The following ZNF425 variants were observed in gnomAD, a reference collection of about 807,000 sequenced individuals.
The protein encoded by ZNF425 is zinc finger protein 425.
Under a neutral mutation model 17.0 loss-of-function variants are expected in ZNF425, and 21 were observed. That is an observed-to-expected ratio of 1.23 (90% confidence interval 0.88 to 1.78). The LOEUF is 1.78. Among genes scored for constraint, ZNF425 ranks in the 40% most tolerant of loss-of-function variants. The pLI is 0.00. For missense variants in ZNF425, 868 were observed against 967.3 expected, an observed-to-expected ratio of 0.90 and a Z score of 1.36; for synonymous variants, 433 against 384.1, an observed-to-expected ratio of 1.13 and a Z score of -1.49.
chr7:149,123,906 G>A (rs1242991612), intron 1 of ZNF425, among the ~76,000 whole-genome samples: 1 of 147,394 alleles, frequency 6.8e-6, no homozygotes, highest in Admixed American at 6.9e-5. Context: ...GGAGAGCAGT[G>A]ATGCCATCTC....
In ZNF425 at chr7:149,104,571, G is replaced by A. The variant is rs373643793; in HGVS notation, c.1300C>T (p.Leu434=). Residue 434 remains leucine, a synonymous_variant, in exon 4 of 4, where the codon CTG becomes TTG. Transcript: ENST00000378061. The surrounding 1 kb of genome is among the most constrained non-coding windows in gnomAD (Gnocchi z 4.3). ...AAGGGCCGCTTCCCAATGTGCTGCA[G>A]CCCGTGGGCTTTCAGGCTTCTCTTG... ...RLKRSLKAHG[L]QHIGKRPFQC... is the part of the protein sequence containing the mutation. 7 of 1,613,790 alleles carry A rather than the reference G, an allele frequency of 4.3e-6. No individual in the cohort carries two copies. In the African/African-American group the frequency reaches 9.3e-5, roughly 22 times the overall value.
At position 149,103,497 on chromosome 7, in the gene ZNF425, C is replaced by T. The variant is rs554815281; in HGVS notation, c.*115G>A. ...CCTCCCAAAGTAATGGGATTACAGG[C>T]GGGAGCCACTGTGCCCGATCTTACC... is the stretch of plus-strand genomic sequence containing the variant. On this transcript the variant is annotated 3_prime_UTR_variant, in exon 4 of 4. Transcript: ENST00000378061. 9.5e-5 allele frequency: 126 copies of T among 1,325,278 alleles called. 1 individual carries two copies. The highest frequency in any genetic ancestry group is 1.2e-4 in the Non-Finnish European group (122 of 994,122). 82.1% of individuals were successfully genotyped at this position (1,325,278 alleles called of 1,614,324 possible). A position where few individuals can be genotyped will look rare whatever the true frequency, so the allele number is the denominator to read the frequency against.
At position 149,103,814 on chromosome 7, in the gene ZNF425, T is replaced by C; in HGVS notation, c.2057A>G (p.Tyr686Cys). Residue 686 changes from tyrosine (Y) to cysteine (C), a missense_variant, in exon 4 of 4, where the codon TAT (tyrosine) becomes TGT (cysteine). Physicochemically the swap from Tyr to Cys is radical, Grantham distance 194. This residue lies in a region of ZNF425 where 437 missense variants were observed against 444.2 expected (regional missense o/e 0.98). Transcript: ENST00000378061. Reference protein sequence around the residue: ...CIRGSLKVHLYKHSGERPFQC... With the variant: ...CIRGSLKVHLCKHSGERPFQC... ...GAAGGGCCTCTCTCCACTGTGCTTA[T>C]ACAAGTGGACCTTCAAGCTGCCCCT... 1.9e-6 allele frequency: 3 copies of C among 1,609,510 alleles called. No homozygotes were observed. The highest frequency in any genetic ancestry group is 2.5e-6 in the Non-Finnish European group (3 of 1,178,320).
At chr7:149,118,610 TGA>T (rs1345042238) in intron 1 of ZNF425, 2 of 435,334 alleles carry the variant, frequency 4.6e-6, no homozygotes, top group African/African-American at 4.0e-5. Flanking sequence ...GTCAGGAGTT[TGA>T]GAGACCAGCC....
At chr7:149,114,752 A>T (rs1826231272) in intron 2 of ZNF425, among the ~76,000 whole-genome samples, 3 of 150,756 alleles carry the variant, frequency 2.0e-5, no homozygotes, top group South Asian at 2.1e-4. Flanking sequence ...ATATGGATTT[A>T]AAAAAGTGAT....
In ZNF425 at chr7:149,103,942, G is replaced by T; in HGVS notation, c.1929C>A (p.Cys643Ter). Reference protein sequence around the residue: ...SGQKPFSCVMCGKSFTQQYRL... With the variant: ...SGQKPFSCVM ...GGTACTGTTGAGTGAAACTTTTGCC[G>T]CACATCACACAAGAGAATGGCTTTT... Residue 643 changes from cysteine to a stop codon, truncating the protein, a stop_gained, in exon 4 of 4, where the codon TGC (cysteine) becomes TGA (stop). Coordinates refer to ENST00000378061, the MANE Select transcript of ZNF425 (RefSeq NM_001001661.3). LOFTEE classifies it low-confidence loss of function (END_TRUNC). The T allele has an allele frequency of 6.2e-7, 1 of 1,614,046 alleles. No individual in the cohort carries two copies. The highest frequency in any genetic ancestry group is 8.5e-7 in the Non-Finnish European group (1 of 1,180,030).
rs1240370731 is a variant in ZNF425 at position 149,109,077 on chromosome 7, C to A, written c.304+3060G>T. ...TGGTGTCTTCTCTGTTTTCTTTTTTCTTTCTTTTTTTTTTTTTTTGAAACG... is the reference window on the plus strand; with the variant it reads ...TGGTGTCTTCTCTGTTTTCTTTTTTATTTCTTTTTTTTTTTTTTTGAAACG... On this transcript the variant is annotated intron_variant, in intron 3 of 3. Coordinates refer to ENST00000378061, the MANE Select transcript of ZNF425 (RefSeq NM_001001661.3). 1.8e-4 allele frequency among the ~76,000 whole-genome samples: 27 copies of A among 147,884 alleles called. No individual in the cohort carries two copies. The South Asian group carries it at 5.3e-3, about 29-fold the overall frequency.
intron 2 of ZNF425, among the ~76,000 whole-genome samples, chr7:149,116,142 C>A (rs546043290): frequency 3.9e-5 from 6 of 152,264 alleles, no homozygotes; most frequent in African/African-American, 1.4e-4. Context: ...TGTCCCAGGT[C>A]TCTTTCTGTT....
intron 2 of ZNF425, among the ~76,000 whole-genome samples, chr7:149,115,027 C>A (rs917011335): frequency 6.7e-6 from 1 of 148,570 alleles, no homozygotes; most frequent in Non-Finnish European, 1.5e-5. Flanking sequence ...CTCCAACTCC[C>A]AGGTTCAAGC....
At chr7:149,124,922 A>C (rs1826431935) in intron 1 of ZNF425, among the ~76,000 whole-genome samples, 1 of 152,254 alleles carries the variant, frequency 6.6e-6, no homozygotes, top group African/African-American at 2.4e-5. Context: ...GGAAAGGAAA[A>C]TCAAGAAAAC....
intron 2 of ZNF425, among the ~76,000 whole-genome samples, chr7:149,117,284 G>C (rs1826281212): frequency 6.6e-6 from 1 of 151,640 alleles, no homozygotes; most frequent in Non-Finnish European, 1.5e-5. Flanking sequence ...AATGATACAA[G>C]AATGTGTCAG....
intron 3 of ZNF425, among the ~76,000 whole-genome samples, chr7:149,105,957 C>T (rs868723065): frequency 3.4e-4 from 41 of 119,380 alleles, no homozygotes; most frequent in African/African-American, 1.3e-3. Context: ...AATTTTTTTC[C>T]TTTTTTTTTT....
chr7:149,110,345 C>G (rs7809836), intron 3 of ZNF425, among the ~76,000 whole-genome samples: 82,714 of 150,762 alleles, frequency 0.55, 25,936 homozygotes, highest in East Asian at 0.9. Context: ...GTGGGTGGAT[C>G]ACCTGAGGTC....
chr7:149,104,765 C>T lies in ZNF425; in HGVS notation c.1106G>A (p.Arg369Gln). The T allele has an allele frequency of 1.2e-6, 2 of 1,613,078 alleles. No homozygotes were observed. Among genetic ancestry groups the T allele is most frequent in the Non-Finnish European group, 1.7e-6 (2 of 1,179,774 alleles). ...CTGGTGGGTCTTCAGGGCAGCCTTC[C>T]GGGAGAAGCTCCGGCCACACTCGGG... ...HCPECGRSFS[R>Q]KAALKTHQRT... The change falls in exon 4 of 4, where the codon CGG (arginine) becomes CAG (glutamine). Residue 369 changes from arginine (R) to glutamine (Q), a missense_variant. Arg to Gln is a conservative substitution (Grantham distance 43). Around this residue, in one of 5 missense-constraint regions of ZNF425, gnomAD observed 243 missense variants for 265.2 expected, o/e 0.92. Coordinates refer to ENST00000378061, the MANE Select transcript of ZNF425 (RefSeq NM_001001661.3). This position sits in a 1 kb window ranked among gnomAD's most constrained non-coding sequence, Gnocchi z 4.3.
At chr7:149,114,148 T>A (rs1386888272) in intron 2 of ZNF425, among the ~76,000 whole-genome samples, 2 of 151,424 alleles carry the variant, frequency 1.3e-5, no homozygotes, top group Non-Finnish European at 2.9e-5. Context: ...AACCTCTGCC[T>A]CCCGGGTTCA....
intron 2 of ZNF425, among the ~76,000 whole-genome samples, chr7:149,113,021 G>A (rs1248572101): frequency 7.2e-6 from 1 of 138,296 alleles, no homozygotes; most frequent in Non-Finnish European, 1.5e-5. Context: ...CTGTCTCCCA[G>A]GCTGGAATGC....
chr7:149,112,660 T>C (rs1264518712), intron 2 of ZNF425, among the ~76,000 whole-genome samples: 1 of 152,056 alleles, frequency 6.6e-6, no homozygotes, highest in Non-Finnish European at 1.5e-5. Context: ...AAAATTATTA[T>C]CATTATTATT....
intron 2 of ZNF425, among the ~76,000 whole-genome samples, chr7:149,114,289 G>A (rs561323481): frequency 2.7e-5 from 4 of 149,512 alleles, no homozygotes; most frequent in Non-Finnish European, 5.9e-5. Flanking sequence ...GGTCAGGCTG[G>A]TCTGGAACAC....
chr7:149,123,129 G>A (rs917792670), intron 1 of ZNF425, among the ~76,000 whole-genome samples: 1 of 152,186 alleles, frequency 6.6e-6, no homozygotes, highest in Admixed American at 6.6e-5. Context: ...TTGGCTCATG[G>A]ACCATTAACC....
Sources: gnomAD v4.1 joint callset for allele counts (sites outside exome capture counted in the v4.1 genomes callset) on GRCh38, gnomAD v4.1.1 for gene constraint, gnomAD v4.1.1 regional missense constraint, Gnocchi (gnomAD v3.1) non-coding constraint, MANE v1.5 for transcripts, NCBI Gene and HGNC (gene_info 2026-07-23, HGNC 2026-07-21) for gene names.